RANGAP1: variants seen among roughly 807,000 people sequenced by gnomAD.
RANGAP1 encodes the protein ran GTPase-activating protein 1.
A neutral mutation model predicts 63.5 loss-of-function variants in RANGAP1; 38 were observed. The observed-to-expected ratio is 0.60, with a 90% CI of 0.46 to 0.78. The LOEUF is 0.78. Ranked by LOEUF, RANGAP1 falls within the 30% of genes least tolerant of loss-of-function variation. The pLI is 0.00. For synonymous variants in RANGAP1, 329 were observed against 310.5 expected, an observed-to-expected ratio of 1.06 and a Z score of -0.63; for missense variants, 630 against 740.3, an observed-to-expected ratio of 0.85 and a Z score of 1.73.
chr22:41,263,026 C>T (rs906252557), intron 5 of RANGAP1, among the ~76,000 whole-genome samples: 13 of 152,162 alleles, frequency 8.5e-5, no homozygotes, highest in African/African-American at 2.2e-4. Flanking sequence ...TCAGCAAGGC[C>T]GAGACCCAGA....
chr22:41,278,237 C>G (rs2035274166), intron 2 of RANGAP1, among the ~76,000 whole-genome samples: 1 of 152,070 alleles, frequency 6.6e-6, no homozygotes, highest in Non-Finnish European at 1.5e-5. Flanking sequence ...CAGGGTTTCT[C>G]CATGTTGGCC....
At chr22:41,268,825 C>A (rs1054739063) in intron 3 of RANGAP1, among the ~76,000 whole-genome samples, 21 of 152,050 alleles carry the variant, frequency 1.4e-4, no homozygotes, top group Admixed American at 1.2e-3. Flanking sequence ...GAGGCCGAGG[C>A]GGGCAGATCA....
At position 41,261,554 on chromosome 22, in the gene RANGAP1, A is replaced by G; in HGVS notation, c.507T>C (p.Cys169=). 6.2e-7 allele frequency: 1 copy of G among 1,614,204 alleles called. No homozygotes were observed. The highest frequency in any genetic ancestry group is 1.6e-4 in the Middle Eastern group (1 of 6,062). ...GKILAAALTE[C]HRKSSAQGKP... ...TGCCTTGGGCACTGGATTTCCGGTG[A>G]CATTCGGTCAGAGCTGCAGCCAGGA... Residue 169 remains cysteine, a synonymous_variant, in exon 6 of 16, where the codon TGT becomes TGC. Transcript: ENST00000356244.
intron 4 of RANGAP1, among the ~76,000 whole-genome samples, chr22:41,266,197 G>A (rs1430133909): frequency 5.1e-5 from 6 of 117,578 alleles, no homozygotes; most frequent in East Asian, 2.9e-4. Flanking sequence ...GTGAGACTCC[G>A]CCTCAAAAAA....
chr22:41,281,607 T>G, intron 1 of RANGAP1: 1 of 987,162 alleles, frequency 1.0e-6, no homozygotes, highest in Non-Finnish European at 1.2e-6. Context: ...TCAGCCCCAC[T>G]GCACGTCTGG....
chr22:41,256,631 T>A, intron 8 of RANGAP1, 80 bp downstream of exon 8: 1 of 1,295,794 alleles, frequency 7.7e-7, no homozygotes, highest in Non-Finnish European at 1.1e-6. Flanking sequence ...CCACCTGCCT[T>A]CAGACCAGAC....
intron 10 of RANGAP1, among the ~76,000 whole-genome samples, chr22:41,254,859 C>G (rs1481660541): frequency 6.6e-6 from 1 of 151,966 alleles, no homozygotes; most frequent in African/African-American, 2.4e-5. Flanking sequence ...GTGGTCCCAG[C>G]TACTCAGGAG....
upstream of RANGAP1, among the ~76,000 whole-genome samples, chr22:41,291,047 G>C (rs1475689839): frequency 1.3e-5 from 2 of 152,196 alleles, no homozygotes; most frequent in African/African-American, 4.8e-5. Context: ...ATCTTTCTCA[G>C]GACTCAAACC....
intron 13 of RANGAP1, among the ~76,000 whole-genome samples, chr22:41,250,515 G>A (rs1399714592): frequency 6.6e-6 from 1 of 152,238 alleles, no homozygotes; most frequent in Non-Finnish European, 1.5e-5. Context: ...CTGGAATGGA[G>A]GAAACAGACA....
At chr22:41,271,811 C>G (rs1018513938) in intron 3 of RANGAP1, among the ~76,000 whole-genome samples, 1 of 152,234 alleles carries the variant, frequency 6.6e-6, no homozygotes, top group African/African-American at 2.4e-5. Context: ...CACTTGCACA[C>G]TGCTGCAGCA....
the RANGAP1 span, among the ~76,000 whole-genome samples, chr22:41,293,895 T>C: frequency 6.6e-6 from 1 of 152,140 alleles, no homozygotes; most frequent in Middle Eastern, 3.4e-3. Context: ...ACTCCTGGGA[T>C]CAAGCAATGC....
chr22:41,254,402 T>C lies in RANGAP1; in HGVS notation c.1166A>G (p.Glu389Gly). The C allele has an allele frequency of 6.2e-7, 1 of 1,613,676 alleles. No individual in the cohort carries two copies. The highest frequency in any genetic ancestry group is 8.5e-7 in the Non-Finnish European group (1 of 1,179,740). ...CTCTTCTTCCTCCTCCTCCTCCTCT[T>C]CTTCCTCCTCTTCCTCATCTTCCTC... ...EEEEDEEEEE[E>G]EEEEEEEEPQ... The change falls in exon 11 of 16, where the codon GAA becomes GGA. Residue 389 changes from glutamate to glycine, a missense_variant. By Grantham distance (98) the Glu-to-Gly change is moderately conservative. Transcript: ENST00000356244.
At chr22:41,294,516 G>A in the RANGAP1 span, among the ~76,000 whole-genome samples, 37 of 144,232 alleles carry the variant, frequency 2.6e-4, no homozygotes, top group Non-Finnish European at 4.4e-4. Context: ...GCCGCCCATC[G>A]TCTGGGATGT....
intron 6 of RANGAP1, 111 bp from the exon 7 acceptor site, chr22:41,258,217 G>GCCCCTGCCCTGT: frequency 1.6e-6 from 2 of 1,236,918 alleles, no homozygotes; most frequent in Non-Finnish European, 1.1e-6. Flanking sequence ...GCCAGCACAG[G>GCCCCTGCCCTGT]GCAGGGGCCT....
chr22:41,250,792 T>C (rs2033389458), intron 13 of RANGAP1, among the ~76,000 whole-genome samples: 1 of 151,946 alleles, frequency 6.6e-6, no homozygotes, highest in Admixed American at 6.6e-5. Flanking sequence ...TGTGTGGATT[T>C]GGGAAAGGCC....
intron 1 of RANGAP1, 155 bp downstream of exon 1, chr22:41,285,831 A>C: frequency 1.2e-5 from 6 of 520,092 alleles, no homozygotes; most frequent in Non-Finnish European, 1.2e-5. Flanking sequence ...CAACAACCCC[A>C]CTCCCACCGC....
At chr22:41,256,135 C>T (rs776252894) in intron 9 of RANGAP1, 30 bp from the exon 10 acceptor site, 17 of 1,613,994 alleles carry the variant, frequency 1.1e-5, no homozygotes, top group Middle Eastern at 1.6e-4. Flanking sequence ...AGCAGTCAGC[C>T]GGGGTGCCAG....
At chr22:41,246,818 C>T (rs988998824) in intron 15 of RANGAP1, 146 bp from the exon 16 acceptor site, 6 of 760,232 alleles carry the variant, frequency 7.9e-6, no homozygotes, top group East Asian at 2.9e-5. Flanking sequence ...TTCTGCACAC[C>T]GTGGGTGGGG....
chr22:41,292,863 G>A, the RANGAP1 span, among the ~76,000 whole-genome samples: 2 of 152,100 alleles, frequency 1.3e-5, no homozygotes, highest in Non-Finnish European at 2.9e-5. Context: ...CAACACCTTG[G>A]GAGGCTGAGG....
Sources: allele counts gnomAD v4.1 joint callset (sites outside exome capture counted in the v4.1 genomes callset), GRCh38; gene constraint gnomAD v4.1.1; transcripts MANE v1.5; gene names NCBI Gene and HGNC (gene_info 2026-07-23, HGNC 2026-07-21).